Variants in TCF7L1 observed in about 807,000 individuals in gnomAD.
The protein encoded by TCF7L1 is transcription factor 7-like 1.
A neutral mutation model predicts 63.7 loss-of-function variants in TCF7L1; 18 were observed. The observed-to-expected ratio is 0.28, with a 90% CI of 0.20 to 0.42. The LOEUF is 0.42. TCF7L1 is among the 10% of genes least tolerant of loss of function. TCF7L1 has a pLI of 1.00. For missense variants in TCF7L1, 654 were observed against 779.3 expected, an observed-to-expected ratio of 0.84 and a Z score of 1.91; for synonymous variants, 355 against 340.9, an observed-to-expected ratio of 1.04 and a Z score of -0.46.
chr2:85,283,966 G>A (rs1441560953), intron 4 of TCF7L1, among the ~76,000 whole-genome samples: 1 of 152,200 alleles, frequency 6.6e-6, no homozygotes, highest in African/African-American at 2.4e-5. Flanking sequence ...CCTCATAGCT[G>A]CCAGGCAATA....
chr2:85,305,632 T>A (rs1329694081), intron 8 of TCF7L1, among the ~76,000 whole-genome samples: 1 of 152,118 alleles, frequency 6.6e-6, no homozygotes, highest in African/African-American at 2.4e-5. Flanking sequence ...AAGGAAAGTT[T>A]TACTGTCAGG....
intron 3 of TCF7L1, among the ~76,000 whole-genome samples, chr2:85,253,590 A>G (rs1680641829): frequency 6.6e-6 from 1 of 152,230 alleles, no homozygotes; most frequent in African/African-American, 2.4e-5. Context: ...CAGAGCAACA[A>G]CACAAGTAGT....
intron 3 of TCF7L1, among the ~76,000 whole-genome samples, chr2:85,155,481 G>C (rs1391902700): frequency 6.6e-6 from 1 of 152,174 alleles, no homozygotes; most frequent in Non-Finnish European, 1.5e-5. Context: ...AAGTCAGCGA[G>C]ACCATGAACC....
chr2:85,222,417 C>A (rs1679866525), intron 3 of TCF7L1, among the ~76,000 whole-genome samples: 1 of 150,594 alleles, frequency 6.6e-6, no homozygotes, highest in East Asian at 2.0e-4. Flanking sequence ...CGCCTGTAAT[C>A]CCAGCACTTT....
intron 3 of TCF7L1, among the ~76,000 whole-genome samples, chr2:85,159,558 C>G (rs1479166612): frequency 6.6e-6 from 1 of 152,238 alleles, no homozygotes; most frequent in Non-Finnish European, 1.5e-5. Flanking sequence ...TGAAAGGAAA[C>G]AGGTTGGCAG....
At chr2:85,145,897 G>A (rs963627449) in intron 3 of TCF7L1, among the ~76,000 whole-genome samples, 1 of 151,784 alleles carries the variant, frequency 6.6e-6, no homozygotes, top group East Asian at 1.9e-4. Context: ...AAAAAATAGA[G>A]ACAGGGTCTC....
At chr2:85,161,199 C>T (rs564782208) in intron 3 of TCF7L1, among the ~76,000 whole-genome samples, 1 of 152,310 alleles carries the variant, frequency 6.6e-6, no homozygotes, top group South Asian at 2.1e-4. Context: ...CTGGAGTCTC[C>T]AGGATAACTT....
intron 3 of TCF7L1, among the ~76,000 whole-genome samples, chr2:85,159,920 C>A (rs1031381586): frequency 6.6e-6 from 1 of 152,194 alleles, no homozygotes; most frequent in South Asian, 2.1e-4. Context: ...CCTCCTGTCC[C>A]CAGGCTCCCT....
At chr2:85,152,459 G>A (rs1312256163) in intron 3 of TCF7L1, among the ~76,000 whole-genome samples, 18 of 123,856 alleles carry the variant, frequency 1.5e-4, no homozygotes, top group African/African-American at 5.6e-4. Flanking sequence ...TTTTGAGACA[G>A]AGTCTCACTC....
Position 85,133,745 on chromosome 2 carries a change from T to C in TCF7L1, c.61T>C (p.Ser21Pro), listed in dbSNP as rs1677516518. ...GGGGSGGGGG[S>P]SAGAAGGGDD... is the part of the protein sequence containing the mutation. The stretch of plus-strand genomic sequence containing the variant: ...CGGCGGCAGCGGGGGAGGCGGCGGC[T>C]CCAGCGCCGGGGCGGCCGGCGGAGG... The change falls in exon 1 of 12, where the codon TCC (serine) becomes CCC (proline). Residue 21 changes from serine (S) to proline (P), a missense_variant. Ser to Pro is a moderately conservative substitution (Grantham distance 74). Around this residue, in one of 3 missense-constraint regions of TCF7L1, gnomAD observed 404 missense variants for 454.8 expected, o/e 0.89. Transcript: ENST00000282111. This position sits in a 1 kb window ranked among gnomAD's most constrained non-coding sequence, Gnocchi z 4.4. The C allele has an allele frequency of 1.1e-5, 14 of 1,229,240 alleles. No homozygotes were observed. Among genetic ancestry groups the C allele is most frequent in the Non-Finnish European group, 1.4e-5 (14 of 986,508 alleles). 76.1% of individuals were successfully genotyped at this position (1,229,240 alleles called of 1,614,324 possible). A position where few individuals can be genotyped will look rare whatever the true frequency, so the allele number is the denominator to read the frequency against.
intron 4 of TCF7L1, among the ~76,000 whole-genome samples, chr2:85,292,463 A>C (rs189511970): frequency 1.6e-4 from 24 of 152,384 alleles, no homozygotes; most frequent in Non-Finnish European, 2.6e-4. Context: ...AACAAAATTT[A>C]AAAGCTATAA....
At chr2:85,297,258 G>A (rs761679333) in intron 4 of TCF7L1, among the ~76,000 whole-genome samples, 9 of 152,090 alleles carry the variant, frequency 5.9e-5, no homozygotes, top group Non-Finnish European at 1.0e-4. Context: ...CACATTCCAG[G>A]TCCCAGAGTC....
chr2:85,288,524 T>C (rs1331221058), intron 4 of TCF7L1, among the ~76,000 whole-genome samples: 1 of 152,132 alleles, frequency 6.6e-6, no homozygotes, highest in East Asian at 1.9e-4. Flanking sequence ...GAAATGTATT[T>C]TAGAGTCAGG....
chr2:85,199,811 CTT>C (rs1195802816), intron 3 of TCF7L1, among the ~76,000 whole-genome samples: 1 of 152,124 alleles, frequency 6.6e-6, no homozygotes, highest in Non-Finnish European at 1.5e-5. Context: ...AATTCATCCT[CTT>C]ATTAAAGTAT....
intron 3 of TCF7L1, among the ~76,000 whole-genome samples, chr2:85,158,165 A>G (rs1558619216): frequency 2.0e-5 from 3 of 152,188 alleles, no homozygotes; most frequent in Admixed American, 1.3e-4. Context: ...GCTGACAGCA[A>G]GTGTGGTGCA....
chr2:85,278,056 G>T (rs1280575420), intron 3 of TCF7L1, among the ~76,000 whole-genome samples: 1 of 152,328 alleles, frequency 6.6e-6, no homozygotes, highest in East Asian at 1.9e-4. Flanking sequence ...AGATTTGTGT[G>T]TTGGGGAAAT....
rs1299647937 is a variant in TCF7L1, at chr2:85,133,971, C to T, written c.249+38C>T. The T allele has an allele frequency of 1.9e-6, 3 of 1,588,506 alleles. No homozygotes were observed. Among genetic ancestry groups the T allele is most frequent in the Non-Finnish European group, 2.6e-6 (3 of 1,166,126 alleles). On this transcript the variant is annotated intron_variant, in intron 1 of 11. Coordinates refer to ENST00000282111, the MANE Select transcript of TCF7L1 (RefSeq NM_031283.3). The surrounding 1 kb of genome is among the most constrained non-coding windows in gnomAD (Gnocchi z 4.4). Reference sequence around the variant, plus strand: ...CGCGGCCACCCCCGGGGGATCCCGGCCCTGCGTCCGCTCACCCGCTCTTGC... The same window carrying T: ...CGCGGCCACCCCCGGGGGATCCCGGTCCTGCGTCCGCTCACCCGCTCTTGC...
intron 3 of TCF7L1, among the ~76,000 whole-genome samples, chr2:85,282,669 A>G (rs1681445086): frequency 6.6e-6 from 1 of 152,126 alleles, no homozygotes; most frequent in Non-Finnish European, 1.5e-5. Flanking sequence ...TAAGAGCCTG[A>G]ACCCATGAAT....
intron 3 of TCF7L1, among the ~76,000 whole-genome samples, chr2:85,168,148 C>A (rs544423889): frequency 4.0e-5 from 6 of 151,460 alleles, no homozygotes; most frequent in Admixed American, 2.0e-4. Flanking sequence ...TGGGCACTTA[C>A]AACTTTATTA....
Sources: gnomAD v4.1 joint callset for allele counts (sites outside exome capture counted in the v4.1 genomes callset) on GRCh38, gnomAD v4.1.1 for gene constraint, gnomAD v4.1.1 regional missense constraint, Gnocchi (gnomAD v3.1) non-coding constraint, MANE v1.5 for transcripts, NCBI Gene and HGNC (gene_info 2026-07-23, HGNC 2026-07-21) for gene names.